The following SEMA5A variants were observed in gnomAD, a reference collection of about 807,000 sequenced individuals.
SEMA5A encodes the protein semaphorin 5A, also known as semaphorin-5A.
A neutral mutation model predicts 135.5 loss-of-function variants in SEMA5A; 55 were observed. That is an observed-to-expected ratio of 0.41 (90% CI 0.33 to 0.51). SEMA5A has a LOEUF of 0.51. Among genes scored for constraint, SEMA5A ranks in the 20% least tolerant of loss-of-function variants. SEMA5A has a pLI of 0.37. For missense variants in SEMA5A, 1,290 were observed against 1,419.9 expected, an observed-to-expected ratio of 0.91 and a Z score of 1.47; for synonymous variants, 580 against 546.5, an observed-to-expected ratio of 1.06 and a Z score of -0.85.
At chr5:9,179,390 AG>A (rs1419267881) in intron 11 of SEMA5A, among the ~76,000 whole-genome samples, 4 of 152,230 alleles carry the variant, frequency 2.6e-5, no homozygotes, top group Admixed American at 1.3e-4. Flanking sequence ...GTGGGTCCAA[AG>A]CAAAGCAAGG....
intron 5 of SEMA5A, among the ~76,000 whole-genome samples, chr5:9,287,682 C>T (rs1331395582): frequency 2.6e-5 from 4 of 152,162 alleles, no homozygotes; most frequent in African/African-American, 7.2e-5. Flanking sequence ...TTTATTAAAA[C>T]TCAGCCATCC....
At chr5:9,324,912 T>G (rs1277457646) in intron 4 of SEMA5A, among the ~76,000 whole-genome samples, 1 of 152,228 alleles carries the variant, frequency 6.6e-6, no homozygotes, top group Non-Finnish European at 1.5e-5. Context: ...ATGTTGCAAG[T>G]AGGGTCAGTC....
At position 9,337,736 on chromosome 5, in the gene SEMA5A, C is replaced by T. The variant is rs747118436; in HGVS notation, c.201G>A (p.Gln67=). The change falls in exon 4 of 23, where the codon CAG becomes CAA. Residue 67 remains glutamine, a synonymous_variant. Coordinates refer to ENST00000382496, the MANE Select transcript of SEMA5A (RefSeq NM_003966.3). ...DFSQLTFDPG[Q]KELVVGARNY... ...ACCTTGCTCCTACAACAAGTTCTTT[C>T]TGTCCTGGGTCAAATGTTAACTGCG... is the stretch of plus-strand genomic sequence containing the variant. 15 of 1,610,248 alleles carry T rather than the reference C, an allele frequency of 9.3e-6. No homozygotes were observed. Among genetic ancestry groups the T allele is most frequent in the Non-Finnish European group, 1.3e-5 (15 of 1,177,634 alleles).
intron 13 of SEMA5A, among the ~76,000 whole-genome samples, chr5:9,130,922 T>C (rs759633253): frequency 1.7e-4 from 26 of 152,168 alleles, no homozygotes; most frequent in Non-Finnish European, 3.4e-4. Context: ...ATAAACCCCT[T>C]AGACTATAGT....
At position 9,036,681 on chromosome 5, in the gene SEMA5A, C is replaced by T. The variant is rs527482616; in HGVS notation, c.*6216G>A. The T allele has an allele frequency of 7.9e-5, 12 of 152,706 alleles. No homozygotes were observed. The South Asian group carries it at 2.3e-3, about 29-fold the overall frequency. The allele number at this position is 152,706 out of a possible 1,614,324, so 9.5% of individuals were successfully genotyped here. On this transcript the variant is annotated 3_prime_UTR_variant, in exon 23 of 23. Coordinates refer to ENST00000382496, the MANE Select transcript of SEMA5A (RefSeq NM_003966.3). The stretch of plus-strand genomic sequence containing the variant: ...TCCCCAGTGAGGGCAAAAATCACAT[C>T]TGAAGATGATGTGCTTCTTGGTCAT...
intron 11 of SEMA5A, among the ~76,000 whole-genome samples, chr5:9,171,196 G>T: frequency 6.6e-6 from 1 of 152,040 alleles, no homozygotes; most frequent in Non-Finnish European, 1.5e-5. Flanking sequence ...TTTAAAACAC[G>T]CTCTGGGGAA....
intron 12 of SEMA5A, among the ~76,000 whole-genome samples, chr5:9,141,777 A>G (rs1017894101): frequency 3.3e-5 from 5 of 152,162 alleles, no homozygotes; most frequent in Non-Finnish European, 5.9e-5. Flanking sequence ...TCATTAAAAT[A>G]TTTTCACTGT....
At chr5:9,130,118 CA>C (rs1241777020) in intron 13 of SEMA5A, among the ~76,000 whole-genome samples, 3 of 152,116 alleles carry the variant, frequency 2.0e-5, no homozygotes, top group Non-Finnish European at 4.4e-5. Context: ...TACCAAGCAC[CA>C]TCTACAATCC....
chr5:9,141,813 A>C (rs976218532), intron 12 of SEMA5A, among the ~76,000 whole-genome samples: 6 of 152,210 alleles, frequency 3.9e-5, no homozygotes, highest in Admixed American at 2.0e-4. Context: ...AGATTTATTA[A>C]TAAGTACAAT....
At chr5:9,391,301 T>C (rs772184634) in intron 2 of SEMA5A, among the ~76,000 whole-genome samples, 6 of 152,190 alleles carry the variant, frequency 3.9e-5, no homozygotes, top group Non-Finnish European at 7.4e-5. Context: ...TGTGCCCTCC[T>C]GTCCTTGAGG....
chr5:9,207,102 G>GTGTATATATATATATATATA (rs1405308378), intron 8 of SEMA5A, among the ~76,000 whole-genome samples: 15 of 97,670 alleles, frequency 1.5e-4, no homozygotes, highest in African/African-American at 4.3e-4. Flanking sequence ...ATGATCAAGT[G>GTGTATATATATATATATATA]TATATATATA....
intron 5 of SEMA5A, among the ~76,000 whole-genome samples, chr5:9,312,646 G>C (rs189775741): frequency 6.6e-6 from 1 of 152,194 alleles, no homozygotes; most frequent in African/African-American, 2.4e-5. Flanking sequence ...ATTCACTCAG[G>C]GTAACAGAGT....
intron 3 of SEMA5A, among the ~76,000 whole-genome samples, chr5:9,350,753 G>C (rs1754078220): frequency 6.6e-6 from 1 of 152,226 alleles, no homozygotes; most frequent in African/African-American, 2.4e-5. Flanking sequence ...CACCGGGAGA[G>C]AACAATCTTT....
chr5:9,515,138 C>T (rs977859484), intron 1 of SEMA5A, among the ~76,000 whole-genome samples: 5 of 152,172 alleles, frequency 3.3e-5, no homozygotes, highest in African/African-American at 1.2e-4. Flanking sequence ...CATTTGGCAA[C>T]TCAGTCCACT....
intron 11 of SEMA5A, among the ~76,000 whole-genome samples, chr5:9,183,373 T>C (rs1480488275): frequency 1.3e-5 from 2 of 152,162 alleles, no homozygotes; most frequent in African/African-American, 2.4e-5. Flanking sequence ...CCTGCACTTC[T>C]GGGCTGCAGC....
At chr5:9,278,157 G>C (rs888127556) in intron 5 of SEMA5A, among the ~76,000 whole-genome samples, 1 of 151,776 alleles carries the variant, frequency 6.6e-6, no homozygotes, top group Non-Finnish European at 1.5e-5. Context: ...GTCTCAGCTG[G>C]TAATGAGGAA....
chr5:9,202,324 G>C (rs909217359), intron 8 of SEMA5A, 84 bp from the exon 9 acceptor site: 12 of 1,453,278 alleles, frequency 8.3e-6, no homozygotes, highest in East Asian at 2.3e-5. Flanking sequence ...TTCATCCAAA[G>C]AGACGTGGTT....
chr5:9,162,169 T>C (rs1240154557), intron 11 of SEMA5A, among the ~76,000 whole-genome samples: 1 of 152,196 alleles, frequency 6.6e-6, no homozygotes, highest in African/African-American at 2.4e-5. Flanking sequence ...TACTTTTCTT[T>C]GGAGTATAGC....
intron 15 of SEMA5A, among the ~76,000 whole-genome samples, chr5:9,109,147 T>C (rs112068705): frequency 6.8e-6 from 1 of 147,580 alleles, no homozygotes; most frequent in African/African-American, 2.5e-5. Context: ...TTCACGCCAT[T>C]CTCCTGCCTC....
Sources: allele counts gnomAD v4.1 joint callset (sites outside exome capture counted in the v4.1 genomes callset), GRCh38; gene constraint gnomAD v4.1.1; transcripts MANE v1.5; gene names NCBI Gene and HGNC (gene_info 2026-07-23, HGNC 2026-07-21).